Variants in DBF4B observed in about 807,000 individuals in gnomAD.
The protein encoded by DBF4B is DBF4B-CDC7 kinase regulatory subunit, also known as protein DBF4 homolog B.
Under a neutral mutation model 53.4 loss-of-function variants are expected in DBF4B, and 49 were observed. The observed-to-expected ratio is 0.92, with a 90% confidence interval of 0.73 to 1.16. The LOEUF (loss-of-function observed/expected upper bound fraction) is 1.16, where lower values mean the gene tolerates loss of function less well. DBF4B is among the 50% of genes most tolerant of loss of function. The pLI is 0.00. For synonymous variants in DBF4B, 257 were observed against 288.7 expected, an observed-to-expected ratio of 0.89 and a Z score of 1.11; for missense variants, 692 against 775.0, an observed-to-expected ratio of 0.89 and a Z score of 1.27.
chr17:44,720,310 CAACACCA>C (rs1973718313), intron 2 of DBF4B: 1 of 231,430 alleles, frequency 4.3e-6, no homozygotes, highest in South Asian at 7.0e-5. Flanking sequence ...CTGTTCTTGT[CAACACCA>C]ACTGGTTTTG....
intron 7 of DBF4B, among the ~76,000 whole-genome samples, chr17:44,735,408 C>T (rs1407448693): frequency 5.3e-5 from 8 of 152,214 alleles, no homozygotes; most frequent in East Asian, 1.9e-4. Flanking sequence ...CACAGTGGCT[C>T]ACGCCTGTAA....
chr17:44,732,666 G>T lies in DBF4B; in HGVS notation c.556+401G>T, dbSNP rs563477445. 5.5e-4 allele frequency: 90 copies of T among 164,640 alleles called. 1 individual carries two copies. Among genetic ancestry groups the T allele is most frequent in the Middle Eastern group, 2.9e-3 (1 of 350 alleles). The allele number at this position is 164,640 out of a possible 1,614,324, so 10.2% of individuals were successfully genotyped here. A position where few individuals can be genotyped will look rare whatever the true frequency, so the allele number is the denominator to read the frequency against. ...GTGGATCACAAGGTCAAGAGTTCGA[G>T]ACCAGCCTGACCAACGTGGTGAAAC... On this transcript the variant is annotated intron_variant, in intron 6 of 13. Coordinates refer to ENST00000315005, the MANE Select transcript of DBF4B (RefSeq NM_145663.3).
At chr17:44,721,629 A>T (rs895661426) in intron 2 of DBF4B, among the ~76,000 whole-genome samples, 1 of 151,930 alleles carries the variant, frequency 6.6e-6, no homozygotes, top group Admixed American at 6.6e-5. Context: ...TATCTGGTTC[A>T]TTATTATGAC....
Position 44,750,851 on chromosome 17 carries a change from C to T in DBF4B, c.1446C>T (p.Ser482=), listed in dbSNP as rs1275791392. 8 of 1,614,108 alleles carry T rather than the reference C, an allele frequency of 5.0e-6. No homozygotes were observed. The highest frequency in any genetic ancestry group is 1.7e-5 in the Admixed American group (1 of 60,004). The change falls in exon 14 of 14, where the codon TCC becomes TCT. Residue 482 remains serine (S), a synonymous_variant. Coordinates refer to ENST00000315005, the MANE Select transcript of DBF4B (RefSeq NM_145663.3). The stretch of plus-strand genomic sequence containing the variant: ...CCCTCCATCCCTCCCAAGAAAACTC[C>T]TTTGCCCCGGCGGACATTCCTGTTA... The part of the protein sequence containing the change: ...DMPLHPSQEN[S]FAPADIPVKG...
chr17:44,730,367 G>T (rs1035869725), intron 4 of DBF4B, among the ~76,000 whole-genome samples: 1 of 152,196 alleles, frequency 6.6e-6, no homozygotes, highest in Non-Finnish European at 1.5e-5. Context: ...ATAAACCAGA[G>T]AAGACGTGTT....
At chr17:44,710,562 GA>G (rs1972776976) in intron 2 of DBF4B, among the ~76,000 whole-genome samples, 1 of 151,822 alleles carries the variant, frequency 6.6e-6, no homozygotes, top group Non-Finnish European at 1.5e-5. Context: ...TTATATTGAT[GA>G]AAGAAAAAAA....
chr17:44,733,113 C>T (rs933098168), intron 6 of DBF4B, among the ~76,000 whole-genome samples: 4 of 148,806 alleles, frequency 2.7e-5, no homozygotes, highest in Non-Finnish European at 4.4e-5. Context: ...TGCAGTGAGC[C>T]GAGATTGCGC....
intron 2 of DBF4B, among the ~76,000 whole-genome samples, chr17:44,716,416 A>G (rs1030566753): frequency 1.3e-5 from 2 of 152,126 alleles, no homozygotes; most frequent in Non-Finnish European, 2.9e-5. Flanking sequence ...TGTTCAGTAT[A>G]CAGATATTCT....
rs2049280621 is a variant in DBF4B, at chr17:44,751,714, C to T, written c.*461C>T. 4 of 1,440,824 alleles carry T rather than the reference C, an allele frequency of 2.8e-6. No individual in the cohort carries two copies. The South Asian group carries it at 5.7e-5, about 21-fold the overall frequency. The allele number at this position is 1,440,824 out of a possible 1,614,324, so 89.3% of individuals were successfully genotyped here. ...ATACCTACCGCCTCCTCTTCACCTC[C>T]TTCCCTTCCACACTTCCTTCCTGGG... On this transcript the variant is annotated 3_prime_UTR_variant, in exon 14 of 14. Transcript: ENST00000315005.
chr17:44,708,723 C>G lies in DBF4B; in HGVS notation c.-98C>G, dbSNP rs998430617. On this transcript the variant is annotated 5_prime_UTR_variant, in exon 1 of 14. Coordinates refer to ENST00000315005, the MANE Select transcript of DBF4B (RefSeq NM_145663.3). The stretch of plus-strand genomic sequence containing the variant: ...TGATGCTGTAGCTGCCCTGAGATAA[C>G]CAGGACTGTGGAATCGGGAAGAGCT... 5.5e-6 allele frequency: 8 copies of G among 1,442,264 alleles called. No homozygotes were observed. In the African/African-American group the frequency reaches 1.1e-4, roughly 21 times the overall value. 89.3% of individuals were successfully genotyped at this position (1,442,264 alleles called of 1,614,324 possible).
Position 44,752,095 on chromosome 17 carries a change from AC to A in DBF4B, c.*846del. The A allele has an allele frequency of 1.8e-6, 2 of 1,116,026 alleles. No homozygotes were observed. Among genetic ancestry groups the A allele is most frequent in the Non-Finnish European group, 2.6e-6 (2 of 766,862 alleles). 69.1% of individuals were successfully genotyped at this position (1,116,026 alleles called of 1,614,324 possible). On this transcript the variant is annotated 3_prime_UTR_variant, in exon 14 of 14. Transcript: ENST00000315005. The stretch of plus-strand genomic sequence containing the variant: ...GCAGATGTGACCGATTGGTAGCTCC[AC>A]CCCAACTCCCTTCTGCTGGGTGGAA...
At chr17:44,734,887 T>A (rs547170568) in intron 7 of DBF4B, among the ~76,000 whole-genome samples, 1 of 152,314 alleles carries the variant, frequency 6.6e-6, no homozygotes, top group East Asian at 1.9e-4. Flanking sequence ...GCAGATCACT[T>A]GAGGTCAGGA....
At chr17:44,710,454 T>A (rs1036529313) in intron 2 of DBF4B, among the ~76,000 whole-genome samples, 2 of 152,228 alleles carry the variant, frequency 1.3e-5, no homozygotes, top group Non-Finnish European at 2.9e-5. Context: ...ATTACAGTAT[T>A]TTCTCCTTGT....
intron 10 of DBF4B, among the ~76,000 whole-genome samples, chr17:44,743,037 A>G (rs752375761): frequency 1.3e-5 from 2 of 152,348 alleles, no homozygotes; most frequent in South Asian, 2.1e-4. Flanking sequence ...AATTAAGGGA[A>G]TGTGGCAGTA....
intron 2 of DBF4B, among the ~76,000 whole-genome samples, chr17:44,710,575 GTTTTA>G (rs1011888178): frequency 2.0e-5 from 3 of 152,076 alleles, no homozygotes; most frequent in Non-Finnish European, 4.4e-5. Context: ...AGAAAAAAAT[GTTTTA>G]TTTTATTTAT....
At chr17:44,726,292 TTTTATTTATTTA>T (rs377668647) in intron 3 of DBF4B, among the ~76,000 whole-genome samples, 60 of 132,090 alleles carry the variant, frequency 4.5e-4, no homozygotes, top group African/African-American at 1.2e-3. Flanking sequence ...CCCGGCCCTT[TTTTATTTATTTA>T]TTTATTTATT....
intron 5 of DBF4B, chr17:44,731,285 G>C: frequency 2.4e-6 from 1 of 411,018 alleles, no homozygotes; most frequent in Non-Finnish European, 4.6e-6. Flanking sequence ...GCGGGACAGG[G>C]TTGCTGGGTA....
Position 44,752,090 on chromosome 17 carries a change from G to A in DBF4B, c.*837G>A. The A allele has an allele frequency of 8.6e-7, 1 of 1,169,126 alleles. No individual in the cohort carries two copies. The highest frequency in any genetic ancestry group is 2.6e-5 in the East Asian group (1 of 38,570). 72.4% of individuals were successfully genotyped at this position (1,169,126 alleles called of 1,614,324 possible). A position where few individuals can be genotyped will look rare whatever the true frequency, so the allele number is the denominator to read the frequency against. The stretch of plus-strand genomic sequence containing the variant: ...TCTCGGCAGATGTGACCGATTGGTA[G>A]CTCCACCCCAACTCCCTTCTGCTGG... On this transcript the variant is annotated 3_prime_UTR_variant, in exon 14 of 14. Transcript: ENST00000315005.
chr17:44,748,128 A>G (rs2145156405), intron 12 of DBF4B, among the ~76,000 whole-genome samples: 1 of 152,262 alleles, frequency 6.6e-6, no homozygotes, highest in Admixed American at 6.5e-5. Flanking sequence ...GCCGGCCCCA[A>G]CCACAGGCTG....
Sources: gnomAD v4.1 joint callset for allele counts (sites outside exome capture counted in the v4.1 genomes callset) on GRCh38, gnomAD v4.1.1 for gene constraint, MANE v1.5 for transcripts, NCBI Gene and HGNC (gene_info 2026-07-23, HGNC 2026-07-21) for gene names.